SRGAP3: variants seen among roughly 807,000 people sequenced by gnomAD.
SRGAP3 encodes the protein SLIT-ROBO Rho GTPase-activating protein 3.
In SRGAP3, 39 loss-of-function variants were observed where a neutral mutation model predicts 121.1. The ratio of observed to expected loss-of-function variants is 0.32; its 90% CI spans 0.25 to 0.42. The LOEUF (loss-of-function observed/expected upper bound fraction) is 0.42. Among genes scored for constraint, SRGAP3 ranks in the 10% least tolerant of loss-of-function variants. SRGAP3 has a pLI of 1.00. For missense variants in SRGAP3, 1,213 were observed against 1,470.6 expected (o/e 0.82, Z 2.86); for synonymous variants, 601 against 570.0 (o/e 1.05, Z -0.77).
chr3:9,092,033 G>A (rs891491202), intron 3 of SRGAP3, among the ~76,000 whole-genome samples: 2 of 152,152 alleles, frequency 1.3e-5, no homozygotes, highest in South Asian at 2.1e-4. Context: ...CCACCTGGAC[G>A]TTCTTGGCAG....
intron 18 of SRGAP3, among the ~76,000 whole-genome samples, chr3:9,003,966 G>C (rs1292936488): frequency 6.6e-6 from 1 of 152,030 alleles, no homozygotes; most frequent in Non-Finnish European, 1.5e-5. Context: ...TCTATTCATA[G>C]ACAATATAAT....
chr3:9,168,320 G>A (rs547261089), intron 1 of SRGAP3, among the ~76,000 whole-genome samples: 10 of 152,294 alleles, frequency 6.6e-5, no homozygotes, highest in South Asian at 2.1e-4. Flanking sequence ...CCCAACCATC[G>A]TCTCTGCTGT....
intron 1 of SRGAP3, among the ~76,000 whole-genome samples, chr3:9,357,910 T>G (rs1319795240): frequency 6.6e-6 from 1 of 152,038 alleles, no homozygotes; most frequent in African/African-American, 2.4e-5. Context: ...AGTCTCACTC[T>G]GTCTCCCAGA....
intron 4 of SRGAP3, among the ~76,000 whole-genome samples, chr3:9,074,422 T>C (rs1454016122): frequency 1.3e-5 from 2 of 152,146 alleles, no homozygotes; most frequent in Non-Finnish European, 2.9e-5. Flanking sequence ...GGCCTTCAAG[T>C]TAGGTCCAGC....
At chr3:9,136,738 C>T (rs1412340190) in intron 1 of SRGAP3, among the ~76,000 whole-genome samples, 2 of 152,348 alleles carry the variant, frequency 1.3e-5, no homozygotes, top group South Asian at 4.1e-4. Context: ...GGATTGGAAC[C>T]TGGGCCTGCC....
At chr3:9,262,403 A>G (rs1954271673) in intron 3 of SRGAP3, among the ~76,000 whole-genome samples, 1 of 152,088 alleles carries the variant, frequency 6.6e-6, no homozygotes, top group South Asian at 2.1e-4. Context: ...CAATTAAAAG[A>G]CATAGACTGG....
chr3:9,016,717 G>A (rs1943657986), intron 14 of SRGAP3, among the ~76,000 whole-genome samples: 1 of 152,192 alleles, frequency 6.6e-6, no homozygotes. Flanking sequence ...AATGGTTTTA[G>A]CATCCAGTGA....
intron 3 of SRGAP3, among the ~76,000 whole-genome samples, chr3:9,103,045 C>T (rs1948279058): frequency 6.6e-6 from 1 of 152,164 alleles, no homozygotes; most frequent in Non-Finnish European, 1.5e-5. Flanking sequence ...ATTTACCTTC[C>T]TAATTGTGTT....
intron 3 of SRGAP3, 93 bp from the exon 4 acceptor site, chr3:9,080,180 G>C (rs930804977): frequency 9.1e-6 from 12 of 1,323,806 alleles, no homozygotes; most frequent in African/African-American, 2.9e-5. Context: ...GGAATGTTTC[G>C]GGTGGGGTCA....
At chr3:9,103,961 C>G (rs969241791) in intron 3 of SRGAP3, among the ~76,000 whole-genome samples, 1 of 152,186 alleles carries the variant, frequency 6.6e-6, no homozygotes, top group South Asian at 2.1e-4. Flanking sequence ...AAAATTCCCA[C>G]TGCAGAAACT....
intron 1 of SRGAP3, among the ~76,000 whole-genome samples, chr3:9,243,941 A>G (rs1371073456): frequency 6.6e-6 from 1 of 152,194 alleles, no homozygotes; most frequent in Non-Finnish European, 1.5e-5. Flanking sequence ...CACTGAAGGA[A>G]CTGACCTTTC....
At chr3:9,006,178 A>G (rs1352786526) in intron 18 of SRGAP3, among the ~76,000 whole-genome samples, 1 of 152,060 alleles carries the variant, frequency 6.6e-6, no homozygotes, top group Non-Finnish European at 1.5e-5. Flanking sequence ...AGGCAAGCAG[A>G]TCACGAGGTC....
chr3:9,205,143 G>T (rs1354172926), intron 1 of SRGAP3, among the ~76,000 whole-genome samples: 1 of 152,180 alleles, frequency 6.6e-6, no homozygotes, highest in African/African-American at 2.4e-5. Context: ...CTACACCAGC[G>T]CTGTCCAATC....
At chr3:9,260,895 C>T (rs1013378180) in intron 3 of SRGAP3, among the ~76,000 whole-genome samples, 14 of 152,238 alleles carry the variant, frequency 9.2e-5, no homozygotes, top group African/African-American at 3.4e-4. Flanking sequence ...ACCCCCGTGC[C>T]TCCTGACGGG....
At chr3:9,082,664 G>A (rs143569288) in intron 3 of SRGAP3, among the ~76,000 whole-genome samples, 1 of 152,340 alleles carries the variant, frequency 6.6e-6, no homozygotes, top group East Asian at 1.9e-4. Context: ...AGCAGCTGCA[G>A]CCTCCTGCTC....
intron 1 of SRGAP3, among the ~76,000 whole-genome samples, chr3:9,190,495 G>A (rs1020564912): frequency 5.3e-5 from 8 of 152,122 alleles, no homozygotes; most frequent in African/African-American, 1.4e-4. Flanking sequence ...GTAGTATAAC[G>A]GAATATCACT....
rs1943826581 is a variant in SRGAP3 at position 9,019,857 on chromosome 3, T to A, written c.1679-4126A>T. ...ATGCATGGTGGCCCAGACACAGGTA[T>A]CAAATAGGTCAATCTCTCAAATGTT... On this transcript the variant is annotated intron_variant, in intron 14 of 21. Coordinates refer to ENST00000383836, the MANE Select transcript of SRGAP3 (RefSeq NM_014850.4). Among the ~76,000 whole-genome samples, 4 of 152,136 alleles carry A rather than the reference T, an allele frequency of 2.6e-5. No individual in the cohort carries two copies. The South Asian group carries it at 8.3e-4, about 32-fold the overall frequency.
chr3:8,995,703 G>T (rs1477430320), intron 18 of SRGAP3, among the ~76,000 whole-genome samples: 1 of 152,074 alleles, frequency 6.6e-6, no homozygotes, highest in Non-Finnish European at 1.5e-5. Context: ...GACGTTTTGG[G>T]GAGCAGGGGA....
intron 1 of SRGAP3, among the ~76,000 whole-genome samples, chr3:9,332,996 T>C (rs1022936457): frequency 6.6e-6 from 1 of 152,350 alleles, no homozygotes; most frequent in African/African-American, 2.4e-5. Context: ...GGTCATTCCT[T>C]AACAACATTC....
Sources: gnomAD v4.1 joint callset for allele counts (sites outside exome capture counted in the v4.1 genomes callset) on GRCh38, gnomAD v4.1.1 for gene constraint, MANE v1.5 for transcripts, NCBI Gene and HGNC (gene_info 2026-07-23, HGNC 2026-07-21) for gene names.